JDP2: variants seen among roughly 807,000 people sequenced by gnomAD.
The protein encoded by JDP2 is Jun dimerization protein 2.
JDP2 carries 9 observed loss-of-function variants against 17.1 expected under a neutral mutation model. The ratio of observed to expected loss-of-function variants is 0.53; its 90% confidence interval spans 0.32 to 0.92. The LOEUF (loss-of-function observed/expected upper bound fraction) is 0.92. Ranked by LOEUF, JDP2 falls within the 40% of genes least tolerant of loss-of-function variation. The pLI is 0.04. For missense variants in JDP2, 179 were observed against 220.0 expected, an observed-to-expected ratio of 0.81 and a Z score of 1.18; for synonymous variants, 107 against 95.6, an observed-to-expected ratio of 1.12 and a Z score of -0.69.
intron 2 of JDP2, among the ~76,000 whole-genome samples, chr14:75,448,547 G>A (rs1885712208): frequency 6.6e-6 from 1 of 152,148 alleles, no homozygotes. Flanking sequence ...ACCTGCCATT[G>A]GATACTCATT....
chr14:75,433,547 CTT>C (rs11447816), intron 1 of JDP2, among the ~76,000 whole-genome samples: 2 of 116,652 alleles, frequency 1.7e-5, no homozygotes, highest in Non-Finnish European at 1.7e-5. Context: ...GCTCTCAGAC[CTT>C]TTTTTTTTTT....
intron 2 of JDP2, among the ~76,000 whole-genome samples, chr14:75,443,272 G>A (rs548941604): frequency 2.1e-4 from 32 of 152,338 alleles, no homozygotes; most frequent in African/African-American, 6.7e-4. Flanking sequence ...ACCAGCTGAT[G>A]TGCTGGGTAA....
chr14:75,464,908 T>G (rs1886507058), intron 3 of JDP2, among the ~76,000 whole-genome samples: 1 of 152,232 alleles, frequency 6.6e-6, no homozygotes, highest in South Asian at 2.1e-4. Context: ...TCTGTCTCTC[T>G]GCTGTCCTAA....
chr14:75,456,380 G>C (rs968704400), intron 2 of JDP2, among the ~76,000 whole-genome samples: 1 of 152,194 alleles, frequency 6.6e-6, no homozygotes, highest in African/African-American at 2.4e-5. Context: ...GTCTCTGTCT[G>C]TCTGCCTGTT....
chr14:75,458,603 A>G (rs1041703056), intron 2 of JDP2, among the ~76,000 whole-genome samples: 3 of 152,154 alleles, frequency 2.0e-5, no homozygotes, highest in African/African-American at 2.4e-5. Flanking sequence ...TGTCTTTGCT[A>G]TTGTGAACAG....
chr14:75,460,901 T>A (rs1456942699), intron 2 of JDP2, among the ~76,000 whole-genome samples: 1 of 152,136 alleles, frequency 6.6e-6, no homozygotes, highest in Non-Finnish European at 1.5e-5. Context: ...GAAAAGAAAT[T>A]TATTTCTCAC....
intron 1 of JDP2, among the ~76,000 whole-genome samples, chr14:75,434,162 A>G (rs1392903952): frequency 6.6e-6 from 1 of 151,858 alleles, no homozygotes; most frequent in African/African-American, 2.4e-5. Flanking sequence ...CCCCTTTTTT[A>G]TAGATCCCTA....
At chr14:75,436,363 A>G (rs930560839) in intron 1 of JDP2, among the ~76,000 whole-genome samples, 1 of 152,232 alleles carries the variant, frequency 6.6e-6, no homozygotes, top group Non-Finnish European at 1.5e-5. Context: ...TGGACATCAG[A>G]TCTTCCCTCT....
At position 75,430,296 on chromosome 14, in the gene JDP2, G is replaced by A. The variant is rs1884739063; in HGVS notation, c.-24+2044G>A. Among the ~76,000 whole-genome samples, 1 of 152,172 alleles carries A rather than the reference G, an allele frequency of 6.6e-6. No individual in the cohort carries two copies. The highest frequency in any genetic ancestry group is 2.1e-4 in the South Asian group (1 of 4,822). ...CTCTGGAAAGAAAGGGGCCAACGCCGACTCTAGGCCGGCCTGCTCTGTATT... is the reference window on the plus strand; with the variant it reads ...CTCTGGAAAGAAAGGGGCCAACGCCAACTCTAGGCCGGCCTGCTCTGTATT... On this transcript the variant is annotated intron_variant, in intron 1 of 3. Coordinates refer to ENST00000651602, the MANE Select transcript of JDP2 (RefSeq NM_001135048.2). This position sits in a 1 kb window ranked among gnomAD's most constrained non-coding sequence, Gnocchi z 4.5.
At chr14:75,462,610 C>T (rs560881553) in intron 3 of JDP2, among the ~76,000 whole-genome samples, 11 of 152,240 alleles carry the variant, frequency 7.2e-5, no homozygotes, top group South Asian at 4.1e-4. Flanking sequence ...ATTGATTCAA[C>T]GGGTATTTTT....
chr14:75,469,097 C>T (rs1003365859), intron 3 of JDP2, among the ~76,000 whole-genome samples, 193 bp from the exon 4 acceptor site: 8 of 152,248 alleles, frequency 5.3e-5, no homozygotes, highest in Admixed American at 1.3e-4. Flanking sequence ...TGACACAGGC[C>T]AGTGTCACCG....
chr14:75,452,740 C>T (rs1248761892), intron 2 of JDP2, among the ~76,000 whole-genome samples: 1 of 152,184 alleles, frequency 6.6e-6, no homozygotes, highest in Non-Finnish European at 1.5e-5. Context: ...GGAGGGGTGG[C>T]CACCGCCCCA....
intron 2 of JDP2, among the ~76,000 whole-genome samples, chr14:75,457,638 G>A (rs1415976364): frequency 1.3e-5 from 2 of 152,240 alleles, no homozygotes; most frequent in Non-Finnish European, 1.5e-5. Flanking sequence ...AAGGCCTGGG[G>A]CTGGGCTTGG....
intron 2 of JDP2, among the ~76,000 whole-genome samples, chr14:75,446,720 T>C (rs552943471): frequency 1.3e-5 from 2 of 152,282 alleles, no homozygotes; most frequent in South Asian, 4.1e-4. Flanking sequence ...GTGATGAAAG[T>C]GTTCTAAAAT....
At chr14:75,460,389 C>T (rs1886300453) in intron 2 of JDP2, among the ~76,000 whole-genome samples, 1 of 152,106 alleles carries the variant, frequency 6.6e-6, no homozygotes, top group Non-Finnish European at 1.5e-5. Flanking sequence ...TGGATCCCAG[C>T]ATTTGGAAAG....
chr14:75,442,118 C>T (rs1885384361), intron 2 of JDP2, among the ~76,000 whole-genome samples: 3 of 152,108 alleles, frequency 2.0e-5, no homozygotes, highest in Admixed American at 1.3e-4. Flanking sequence ...TGCACACTGT[C>T]GTTAAGGGGC....
At chr14:75,458,117 C>T (rs984620605) in intron 2 of JDP2, among the ~76,000 whole-genome samples, 7 of 152,110 alleles carry the variant, frequency 4.6e-5, no homozygotes, top group African/African-American at 1.4e-4. Flanking sequence ...TGGTAGGATG[C>T]GATGGAGACT....
chr14:75,448,987 C>T (rs1402891962), intron 2 of JDP2, among the ~76,000 whole-genome samples: 2 of 152,238 alleles, frequency 1.3e-5, no homozygotes, highest in Middle Eastern at 6.3e-3. Context: ...CCTCTTCCAT[C>T]CTCCGGGCCA....
At position 75,470,170 on chromosome 14, in the gene JDP2, T is replaced by C. The variant is rs1470240133; in HGVS notation, c.*695T>C. On this transcript the variant is annotated 3_prime_UTR_variant, in exon 4 of 4. Coordinates refer to ENST00000651602, the MANE Select transcript of JDP2 (RefSeq NM_001135048.2). ...TCAACTGCACATGTTTTTTATACTT[T>C]CCTTTTTTTTTTTTTTTTTAATATT... 2.0e-5 allele frequency: 3 copies of C among 148,366 alleles called. No individual in the cohort carries two copies. Among genetic ancestry groups the C allele is most frequent in the African/African-American group, 5.0e-5 (2 of 40,330 alleles). 9.2% of individuals were successfully genotyped at this position (148,366 alleles called of 1,614,324 possible). A position where few individuals can be genotyped will look rare whatever the true frequency, so the allele number is the denominator to read the frequency against.
Sources: allele counts gnomAD v4.1 joint callset (sites outside exome capture counted in the v4.1 genomes callset), GRCh38; gene constraint gnomAD v4.1.1; non-coding constraint Gnocchi (gnomAD v3.1); transcripts MANE v1.5; gene names NCBI Gene and HGNC (gene_info 2026-07-23, HGNC 2026-07-21).